Variants in CGNL1 observed in about 807,000 individuals in gnomAD.
The protein encoded by CGNL1 is cingulin like 1.
CGNL1 carries 132 observed loss-of-function variants against 141.2 expected under a neutral mutation model. The observed-to-expected ratio is 0.93, with a 90% confidence interval of 0.81 to 1.08. CGNL1 has a LOEUF of 1.08. Among genes scored for constraint, CGNL1 ranks in the 50% least tolerant of loss-of-function variants. The pLI is 0.00. For missense variants in CGNL1, 1,870 were observed against 1,588.6 expected, an observed-to-expected ratio of 1.18 and a Z score of -3.01; for synonymous variants, 690 against 622.1, an observed-to-expected ratio of 1.11 and a Z score of -1.63.
intron 10 of CGNL1, among the ~76,000 whole-genome samples, chr15:57,522,187 T>G (rs768494345): frequency 9.9e-5 from 15 of 152,184 alleles, no homozygotes; most frequent in Admixed American, 4.6e-4. Context: ...TTTGTTAACC[T>G]TGGTTCTCTG....
At position 57,442,182 on chromosome 15, in the gene CGNL1, G is replaced by GGAAAAAAAAAA. The variant is rs1491455852; in HGVS notation, c.1698-191_1698-190insGAAAAAAAAAA. On this transcript the variant is annotated intron_variant, in intron 3 of 18. Coordinates refer to ENST00000281282, the MANE Select transcript of CGNL1 (RefSeq NM_032866.5). ...TTGAGTGGTAACACATCATTTATTT[G>GGAAAAAAAAAA]AAAAAAAAAAAAAAAAAAAAAGACA... 2.6e-3 allele frequency among the ~76,000 whole-genome samples: 249 copies of GGAAAAAAAAAA among 96,478 alleles called. 4 individuals are homozygous for GGAAAAAAAAAA. Among genetic ancestry groups the GGAAAAAAAAAA allele is most frequent in the East Asian group, 0.012 (34 of 2,804 alleles). 63.3% of individuals were successfully genotyped at this position (96,478 alleles called of 152,430 possible).
At position 57,528,702 on chromosome 15, in the gene CGNL1, G is replaced by A. The variant is rs748166368; in HGVS notation, c.3088G>A (p.Glu1030Lys). The part of the protein sequence containing the change: ...ELRDYQRAQD[E>K]ALTKRQLLEQ... Reference sequence around the variant, plus strand: ...ACGGGACTACCAGAGAGCTCAGGATGAAGCACTCACAAAAAGGCAGCTTCT... The same window carrying A: ...ACGGGACTACCAGAGAGCTCAGGATAAAGCACTCACAAAAAGGCAGCTTCT... Residue 1030 changes from glutamate (E) to lysine (K), a missense_variant, in exon 13 of 19, where the codon GAA becomes AAA. Physicochemically the swap from Glu to Lys is moderately conservative, Grantham distance 56. Transcript: ENST00000281282. 3.7e-6 allele frequency: 6 copies of A among 1,614,016 alleles called. No individual in the cohort carries two copies. In the African/African-American group the frequency reaches 8.0e-5, roughly 22 times the overall value.
At chr15:57,528,516 C>A (rs1333442492) in intron 12 of CGNL1, 138 bp from the exon 13 acceptor site, 2 of 830,586 alleles carry the variant, frequency 2.4e-6, no homozygotes, top group Admixed American at 4.9e-5. Flanking sequence ...GTAGGACTTG[C>A]TCAAGGTCTT....
At chr15:57,456,249 T>C (rs2063377951) in intron 7 of CGNL1, among the ~76,000 whole-genome samples, 1 of 152,222 alleles carries the variant, frequency 6.6e-6, no homozygotes, top group African/African-American at 2.4e-5. Context: ...GAACAAACTC[T>C]TAACACAATG....
Position 57,438,851 on chromosome 15 carries a change from G to A in CGNL1, c.852G>A (p.Ala284=), listed in dbSNP as rs777017018. The change falls in exon 2 of 19, where the codon GCG becomes GCA. Residue 284 remains alanine (A), a synonymous_variant. Transcript: ENST00000281282. ...DVLPFRRQDS[A]GPVLDGARSR... ...TTCCCTTCCGGCGACAGGATTCAGC[G>A]GGACCCGTCCTGGATGGAGCTCGGT... 1 of 1,614,020 alleles carries A rather than the reference G, an allele frequency of 6.2e-7. No homozygotes were observed. Among genetic ancestry groups the A allele is most frequent in the African/African-American group, 1.3e-5 (1 of 74,908 alleles).
chr15:57,457,016 CA>C (rs759918220), intron 7 of CGNL1, among the ~76,000 whole-genome samples: 40 of 152,098 alleles, frequency 2.6e-4, no homozygotes, highest in Middle Eastern at 3.2e-3. Context: ...AAAAGGCAGC[CA>C]AAAATACCAT....
intron 8 of CGNL1, among the ~76,000 whole-genome samples, chr15:57,490,419 C>T (rs139904818): frequency 1.2e-3 from 185 of 152,104 alleles, no homozygotes; most frequent in African/African-American, 4.0e-3. Context: ...CACGCACGCA[C>T]GCGTGCGTGT....
intron 1 of CGNL1, among the ~76,000 whole-genome samples, chr15:57,377,586 C>T (rs1299575104): frequency 6.6e-6 from 1 of 152,232 alleles, no homozygotes; most frequent in East Asian, 1.9e-4. Context: ...TAATCCACCT[C>T]TCCACCTGAA....
At chr15:57,447,245 C>A (rs1051003483) in intron 4 of CGNL1, among the ~76,000 whole-genome samples, 6 of 152,152 alleles carry the variant, frequency 3.9e-5, no homozygotes, top group Admixed American at 2.6e-4. Context: ...AGATGTAGTC[C>A]CTTTCCAGTG....
Position 57,488,206 on chromosome 15 carries a change from A to T in CGNL1, c.2403+26314A>T, listed in dbSNP as rs186645380. 2.8e-4 allele frequency among the ~76,000 whole-genome samples: 43 copies of T among 152,204 alleles called. No individual in the cohort carries two copies. In the East Asian group the frequency reaches 6.8e-3, roughly 24 times the overall value. ...TTGGCCGTTTGTATGTCTTCTTTGG[A>T]GAGCTATCTGTTCAGATTCTCTGCC... On this transcript the variant is annotated intron_variant, in intron 8 of 18. Transcript: ENST00000281282.
chr15:57,392,806 C>G (rs535155515), intron 1 of CGNL1, among the ~76,000 whole-genome samples: 2 of 152,058 alleles, frequency 1.3e-5, no homozygotes, highest in Non-Finnish European at 2.9e-5. Context: ...TGTTTAAAGT[C>G]TACTAAGTGT....
chr15:57,428,110 C>T (rs1567110301), intron 1 of CGNL1, among the ~76,000 whole-genome samples: 1 of 152,170 alleles, frequency 6.6e-6, no homozygotes, highest in Non-Finnish European at 1.5e-5. Flanking sequence ...AGGAGGAAGG[C>T]CTGGCCGAGG....
chr15:57,409,956 C>A (rs144630250), intron 1 of CGNL1, among the ~76,000 whole-genome samples: 1 of 152,150 alleles, frequency 6.6e-6, no homozygotes, highest in East Asian at 1.9e-4. Context: ...CTCGCCCTTT[C>A]TGAGCCTGAG....
chr15:57,381,011 CA>C (rs2062418588), intron 1 of CGNL1, among the ~76,000 whole-genome samples: 1 of 152,216 alleles, frequency 6.6e-6, no homozygotes, highest in South Asian at 2.1e-4. Context: ...CTTCCTTGGG[CA>C]GGCTGAAAAC....
chr15:57,431,863 G>A (rs1481533629), intron 1 of CGNL1, among the ~76,000 whole-genome samples: 2 of 152,162 alleles, frequency 1.3e-5, no homozygotes, highest in African/African-American at 4.8e-5. Flanking sequence ...AGAGGTTTTA[G>A]CTCATGTTTA....
rs1185223144 is a variant in CGNL1, at chr15:57,425,908, C to G, written c.-15-12077C>G. On this transcript the variant is annotated intron_variant, in intron 1 of 18. Coordinates refer to ENST00000281282, the MANE Select transcript of CGNL1 (RefSeq NM_032866.5). Reference sequence around the variant, plus strand: ...GAAAAATGTAAATTGTGAAACTTTTCTTGCTGGAGACATCTATATATTATA... The same window carrying G: ...GAAAAATGTAAATTGTGAAACTTTTGTTGCTGGAGACATCTATATATTATA... Among the ~76,000 whole-genome samples, 8 of 151,970 alleles carry G rather than the reference C, an allele frequency of 5.3e-5. No homozygotes were observed. In the East Asian group the frequency reaches 1.5e-3, roughly 29 times the overall value.
chr15:57,406,222 G>A (rs1457642190), intron 1 of CGNL1, among the ~76,000 whole-genome samples: 13 of 152,218 alleles, frequency 8.5e-5, no homozygotes, highest in Admixed American at 3.3e-4. Flanking sequence ...GGTGAGACCT[G>A]AAGGAGCCTC....
chr15:57,471,228 C>T (rs541611871), intron 8 of CGNL1, among the ~76,000 whole-genome samples: 104 of 152,274 alleles, frequency 6.8e-4, no homozygotes, highest in Non-Finnish European at 1.2e-3. Context: ...GAATAAAGGG[C>T]TTCTCTTTCC....
At chr15:57,428,799 T>C (rs1266972426) in intron 1 of CGNL1, among the ~76,000 whole-genome samples, 1 of 151,910 alleles carries the variant, frequency 6.6e-6, no homozygotes, top group Non-Finnish European at 1.5e-5. Flanking sequence ...CCGAGGTGGG[T>C]GGATCATGAG....
Sources: allele counts gnomAD v4.1 joint callset (sites outside exome capture counted in the v4.1 genomes callset), GRCh38; gene constraint gnomAD v4.1.1; transcripts MANE v1.5; gene names NCBI Gene and HGNC (gene_info 2026-07-23, HGNC 2026-07-21).